CFAP299: variants seen among roughly 807,000 people sequenced by gnomAD.
CFAP299 encodes cilia- and flagella-associated protein 299.
In CFAP299, 21 loss-of-function variants were observed where a neutral mutation model predicts 27.0. The ratio of observed to expected loss-of-function variants is 0.78; its 90% CI spans 0.55 to 1.12. The LOEUF is 1.12. Among genes scored for constraint, CFAP299 ranks in the 50% most tolerant of loss-of-function variants. The pLI is 0.00. For synonymous variants in CFAP299, 104 were observed against 98.1 expected (o/e 1.06, Z -0.36); for missense variants, 310 against 276.6 (o/e 1.12, Z -0.86).
At chr4:80,698,632 A>C (rs1468928233) in intron 3 of CFAP299, among the ~76,000 whole-genome samples, 1 of 152,218 alleles carries the variant, frequency 6.6e-6, no homozygotes, top group East Asian at 1.9e-4. Context: ...TACCACAATA[A>C]AGAAATACCC....
At chr4:80,535,494 C>CAAAAAA (rs143122836) in intron 2 of CFAP299, among the ~76,000 whole-genome samples, 59 of 33,276 alleles carry the variant, frequency 1.8e-3, no homozygotes, top group Admixed American at 4.1e-3. Flanking sequence ...GACTCCGTCT[C>CAAAAAA]AAAAAAAAAA....
At chr4:80,353,027 G>T (rs1481651584) in intron 1 of CFAP299, among the ~76,000 whole-genome samples, 1 of 152,110 alleles carries the variant, frequency 6.6e-6, no homozygotes, top group Non-Finnish European at 1.5e-5. Flanking sequence ...AATACAAATT[G>T]AGTCCAAGCA....
chr4:80,790,955 A>G (rs1727528193), intron 3 of CFAP299, among the ~76,000 whole-genome samples: 1 of 152,098 alleles, frequency 6.6e-6, no homozygotes, highest in Non-Finnish European at 1.5e-5. Flanking sequence ...TTTTGAATAT[A>G]CGTTAAACAC....
intron 5 of CFAP299, among the ~76,000 whole-genome samples, chr4:80,946,659 CTT>C (rs1737494180): frequency 6.6e-6 from 1 of 152,268 alleles, no homozygotes; most frequent in South Asian, 2.1e-4. Context: ...TAACAATACT[CTT>C]TTTTGGTCTC....
Position 80,800,308 on chromosome 4 carries a change from A to C in CFAP299, c.334-69685A>C, listed in dbSNP as rs1440127708. On this transcript the variant is annotated intron_variant, in intron 3 of 5. Coordinates refer to ENST00000358105, the MANE Select transcript of CFAP299 (RefSeq NM_152770.3). Reference sequence around the variant, plus strand: ...TAATATATTAATATATATAATATATAAGATATATGATACATTAATATTAAT... The same window carrying C: ...TAATATATTAATATATATAATATATCAGATATATGATACATTAATATTAAT... Among the ~76,000 whole-genome samples, 128 of 74,654 alleles carry C rather than the reference A, an allele frequency of 1.7e-3. 1 individual carries two copies. The highest frequency in any genetic ancestry group is 6.7e-3 in the African/African-American group (117 of 17,570). The allele number at this position is 74,654 out of a possible 152,430, so 49.0% of individuals were successfully genotyped here. A position where few individuals can be genotyped will look rare whatever the true frequency, so the allele number is the denominator to read the frequency against.
At chr4:80,932,638 TA>T (rs780494479) in intron 4 of CFAP299, among the ~76,000 whole-genome samples, 1 of 152,144 alleles carries the variant, frequency 6.6e-6, no homozygotes, top group Non-Finnish European at 1.5e-5. Flanking sequence ...GGATCAACCA[TA>T]AAAAAACATG....
intron 3 of CFAP299, among the ~76,000 whole-genome samples, chr4:80,867,312 T>C (rs778766206): frequency 1.6e-4 from 24 of 152,220 alleles, no homozygotes; most frequent in Non-Finnish European, 2.9e-4. Context: ...CTCCCGTATG[T>C]ATGTTTTTTG....
At chr4:80,587,468 T>G (rs960865808) in intron 3 of CFAP299, among the ~76,000 whole-genome samples, 2 of 152,124 alleles carry the variant, frequency 1.3e-5, no homozygotes, top group Admixed American at 1.3e-4. Flanking sequence ...ATTTCTCAAC[T>G]CAACACAGCC....
intron 5 of CFAP299, among the ~76,000 whole-genome samples, chr4:80,955,474 G>A (rs959168319): frequency 6.6e-6 from 1 of 152,172 alleles, no homozygotes; most frequent in African/African-American, 2.4e-5. Flanking sequence ...TCCTAGTAGT[G>A]TATTACCTTA....
At chr4:80,960,297 A>G (rs1738281815) in intron 5 of CFAP299, among the ~76,000 whole-genome samples, 1 of 151,882 alleles carries the variant, frequency 6.6e-6, no homozygotes, top group Non-Finnish European at 1.5e-5. Context: ...TTTTCATGTC[A>G]CTGCAATTTT....
At chr4:80,697,803 A>C (rs1578033472) in intron 3 of CFAP299, among the ~76,000 whole-genome samples, 1 of 152,230 alleles carries the variant, frequency 6.6e-6, no homozygotes, top group East Asian at 1.9e-4. Context: ...CTAACATGGC[A>C]TAGGATAGTA....
intron 2 of CFAP299, chr4:80,388,776 T>G: frequency 2.0e-6 from 1 of 494,374 alleles, no homozygotes; most frequent in Non-Finnish European, 3.6e-6. Context: ...GTAGGGTTTC[T>G]ATGCTGTTAG....
intron 3 of CFAP299, among the ~76,000 whole-genome samples, chr4:80,590,275 A>G (rs1315689426): frequency 6.6e-6 from 1 of 152,214 alleles, no homozygotes; most frequent in African/African-American, 2.4e-5. Flanking sequence ...TTGGATTACT[A>G]ACTGTATTTA....
At chr4:80,865,155 C>G (rs1411416689) in intron 3 of CFAP299, among the ~76,000 whole-genome samples, 1 of 152,066 alleles carries the variant, frequency 6.6e-6, no homozygotes, top group African/African-American at 2.4e-5. Context: ...GCTATCTAGC[C>G]ATAATAAAAT....
chr4:80,576,203 TA>T (rs1409383361), intron 2 of CFAP299, among the ~76,000 whole-genome samples: 1 of 136,176 alleles, frequency 7.3e-6, no homozygotes, highest in Non-Finnish European at 1.7e-5. Flanking sequence ...AAAAAATATA[TA>T]TATATATATA....
chr4:80,938,728 C>A (rs889352457), intron 4 of CFAP299, among the ~76,000 whole-genome samples: 1 of 152,156 alleles, frequency 6.6e-6, no homozygotes, highest in Non-Finnish European at 1.5e-5. Flanking sequence ...ATGTACTTAT[C>A]TTTACCAGTA....
intron 3 of CFAP299, among the ~76,000 whole-genome samples, chr4:80,661,206 G>GT (rs1740826490): frequency 6.6e-6 from 1 of 151,456 alleles, no homozygotes; most frequent in African/African-American, 2.4e-5. Context: ...TGCTCCTGTT[G>GT]TCCCAGCTAC....
intron 3 of CFAP299, among the ~76,000 whole-genome samples, chr4:80,869,132 T>A (rs1191431524): frequency 1.3e-5 from 2 of 152,158 alleles, no homozygotes; most frequent in African/African-American, 4.8e-5. Flanking sequence ...AGTTACCATT[T>A]GTTTATAATT....
intron 3 of CFAP299, among the ~76,000 whole-genome samples, chr4:80,681,119 A>T (rs1351389333): frequency 6.6e-6 from 1 of 152,138 alleles, no homozygotes; most frequent in Non-Finnish European, 1.5e-5. Context: ...AAAATTTTAT[A>T]AGAAGTGTAA....
Sources: allele counts gnomAD v4.1 joint callset (sites outside exome capture counted in the v4.1 genomes callset), GRCh38; gene constraint gnomAD v4.1.1; transcripts MANE v1.5; gene names NCBI Gene and HGNC (gene_info 2026-07-23, HGNC 2026-07-21).